Variants in SYNPO2 observed in about 807,000 individuals in gnomAD.
SYNPO2 encodes the protein synaptopodin-2.
In SYNPO2, 56 loss-of-function variants were observed where a neutral mutation model predicts 85.0. The observed-to-expected ratio is 0.66, with a 90% CI of 0.53 to 0.82. The LOEUF is 0.82. Among genes scored for constraint, SYNPO2 ranks in the 40% least tolerant of loss-of-function variants. The pLI, the probability that SYNPO2 is intolerant of heterozygous loss-of-function variation, is 0.00. For missense variants in SYNPO2, 1,575 were observed against 1,534.2 expected (o/e 1.03, Z -0.44); for synonymous variants, 602 against 591.1 (o/e 1.02, Z -0.27).
Position 119,031,007 on chromosome 4 carries a change from T to C in SYNPO2, c.2232T>C (p.Asn744=), listed in dbSNP as rs1365797548. The C allele has an allele frequency of 6.2e-7, 1 of 1,613,978 alleles. No homozygotes were observed. Among genetic ancestry groups the C allele is most frequent in the Admixed American group, 1.7e-5 (1 of 59,994 alleles). The change falls in exon 4 of 5, where the codon AAT becomes AAC. Residue 744 remains asparagine, a synonymous_variant. Transcript: ENST00000307142. ...TCAGCTTGGGGGCAGAGGCTTGTAA[T>C]TTCATGCAAAGCTCCTCTGCCAAAC... is the stretch of plus-strand genomic sequence containing the variant. ...DYLSLGAEAC[N]FMQSSSAKQK...
rs544664971 is a variant in SYNPO2 at position 119,006,166 on chromosome 4, G to C, written c.106-17264G>C. 9 of 153,168 alleles carry C rather than the reference G, an allele frequency of 5.9e-5. No homozygotes were observed. In the South Asian group the frequency reaches 1.9e-3, roughly 32 times the overall value. 9.5% of individuals were successfully genotyped at this position (153,168 alleles called of 1,614,324 possible). A position where few individuals can be genotyped will look rare whatever the true frequency, so the allele number is the denominator to read the frequency against. ...CCTGAACATGAAGGTGTGAAAGTTG[G>C]TGTCCTAACCCTGGCTTTTCTTATA... On this transcript the variant is annotated intron_variant, in intron 1 of 4. Coordinates refer to ENST00000307142, the MANE Select transcript of SYNPO2 (RefSeq NM_133477.3).
At chr4:118,853,111 C>T (rs1013145759) in intron 1 of SYNPO2, among the ~76,000 whole-genome samples, 11 of 152,140 alleles carry the variant, frequency 7.2e-5, no homozygotes, top group Non-Finnish European at 1.3e-4. Flanking sequence ...AGGATCACTT[C>T]GTTAATTTTC....
At chr4:118,973,999 G>C (rs1357660668) in intron 1 of SYNPO2, among the ~76,000 whole-genome samples, 1 of 152,178 alleles carries the variant, frequency 6.6e-6, no homozygotes, top group Admixed American at 6.5e-5. Context: ...CCATTATACA[G>C]CTGAGGACGC....
At chr4:118,928,847 C>T (rs1382280579) in intron 1 of SYNPO2, among the ~76,000 whole-genome samples, 2 of 152,068 alleles carry the variant, frequency 1.3e-5, no homozygotes, top group African/African-American at 4.8e-5. Flanking sequence ...CTTCAGAAGC[C>T]TTGGGTAATA....
At chr4:118,991,307 C>T (rs186353009) in intron 1 of SYNPO2, among the ~76,000 whole-genome samples, 1 of 152,106 alleles carries the variant, frequency 6.6e-6, no homozygotes, top group Non-Finnish European at 1.5e-5. Flanking sequence ...ACCACCGCAC[C>T]TGGCTAATTT....
intron 1 of SYNPO2, among the ~76,000 whole-genome samples, chr4:118,937,265 A>G (rs1734140453): frequency 6.6e-6 from 1 of 151,872 alleles, no homozygotes; most frequent in Non-Finnish European, 1.5e-5. Flanking sequence ...TTTCAGATAC[A>G]CTCATTTCCT....
chr4:119,030,447 A>G lies in SYNPO2; in HGVS notation c.1672A>G (p.Ser558Gly). 6.2e-7 allele frequency: 1 copy of G among 1,614,194 alleles called. No homozygotes were observed. Among genetic ancestry groups the G allele is most frequent in the Non-Finnish European group, 8.5e-7 (1 of 1,180,038 alleles). ...SSVSKSYIEV[S>G]HGLGHVPQQN... ...TGTGAGCAAAAGCTACATCGAGGTGAGTCATGGTCTTGGCCATGTTCCCCA... is the reference window on the plus strand; with the variant it reads ...TGTGAGCAAAAGCTACATCGAGGTGGGTCATGGTCTTGGCCATGTTCCCCA... The change falls in exon 4 of 5, where the codon AGT (serine) becomes GGT (glycine). Residue 558 changes from serine to glycine, a missense_variant. By Grantham distance (56) the Ser-to-Gly change is moderately conservative (BLOSUM62 0). This residue lies in a region of SYNPO2 where 1,508 missense variants were observed against 1,446.8 expected (regional missense o/e 1.04). Coordinates refer to ENST00000307142, the MANE Select transcript of SYNPO2 (RefSeq NM_133477.3).
intron 1 of SYNPO2, among the ~76,000 whole-genome samples, chr4:119,000,679 G>A (rs946053537): frequency 2.6e-5 from 4 of 152,182 alleles, no homozygotes; most frequent in Non-Finnish European, 5.9e-5. Flanking sequence ...TGACCTCATC[G>A]CTATCTGAGT....
chr4:118,892,705 T>G (rs1289860600), intron 1 of SYNPO2, among the ~76,000 whole-genome samples: 1 of 152,214 alleles, frequency 6.6e-6, no homozygotes, highest in Non-Finnish European at 1.5e-5. Context: ...ATCCTTTATA[T>G]GTTTTAATAT....
chr4:118,941,897 CA>C lies in SYNPO2; in HGVS notation c.105+52757del, dbSNP rs1200526875. 2.0e-5 allele frequency among the ~76,000 whole-genome samples: 3 copies of C among 152,160 alleles called. No homozygotes were observed. The East Asian group carries it at 5.8e-4, about 29-fold the overall frequency. Reference sequence around the variant, plus strand: ...TTTCCGTAGGAAAGGCAAGGCGAGTCAGGGGAAACAGTTTAGGGTTAGCCAG... The same window carrying C: ...TTTCCGTAGGAAAGGCAAGGCGAGTCGGGGAAACAGTTTAGGGTTAGCCAG... On this transcript the variant is annotated intron_variant, in intron 1 of 4. Coordinates refer to ENST00000307142, the MANE Select transcript of SYNPO2 (RefSeq NM_133477.3).
chr4:119,037,593 A>T, intron 4 of SYNPO2: 2 of 987,614 alleles, frequency 2.0e-6, no homozygotes, highest in Non-Finnish European at 2.4e-6. Context: ...ATGAGTGGGG[A>T]CAGAAGCTGT....
rs751293375 is a variant in SYNPO2, at chr4:119,057,948, G to A, written c.*14G>A. On this transcript the variant is annotated 3_prime_UTR_variant, in exon 5 of 5. Transcript: ENST00000307142. ...CGCCAAACATGAAAGTTAGAAGAAC[G>A]GATCATGTGCCAACTGTAGTTTTTT... 35 of 1,600,822 alleles carry A rather than the reference G, an allele frequency of 2.2e-5. No individual in the cohort carries two copies. The highest frequency in any genetic ancestry group is 1.2e-4 in the South Asian group (11 of 88,928).
intron 1 of SYNPO2, among the ~76,000 whole-genome samples, chr4:118,921,198 C>T (rs1733520380): frequency 6.6e-6 from 1 of 152,166 alleles, no homozygotes; most frequent in African/African-American, 2.4e-5. Context: ...TGAGCCACCA[C>T]ACCTGGCCCA....
intron 1 of SYNPO2, chr4:119,006,180 GC>G (rs1737024838): frequency 6.5e-6 from 1 of 152,860 alleles, no homozygotes. Context: ...CCTAACCCTG[GC>G]TTTTCTTATA....
chr4:118,899,401 C>G (rs1374514485), intron 1 of SYNPO2, among the ~76,000 whole-genome samples: 1 of 151,292 alleles, frequency 6.6e-6, no homozygotes, highest in Admixed American at 6.6e-5. Context: ...CTGACCAGAA[C>G]TTTTTTTTTA....
chr4:119,026,531 A>G (rs909858749), intron 2 of SYNPO2, 96 bp from the exon 3 acceptor site: 8 of 1,299,052 alleles, frequency 6.2e-6, no homozygotes, highest in African/African-American at 5.9e-5. Flanking sequence ...TATTTTGACT[A>G]TATCACATAT....
chr4:118,853,361 A>T (rs1207598530), intron 1 of SYNPO2, among the ~76,000 whole-genome samples: 5 of 152,122 alleles, frequency 3.3e-5, no homozygotes, highest in African/African-American at 7.2e-5. Flanking sequence ...CTCTTCATAT[A>T]CCATCAAATT....
chr4:118,997,234 C>T (rs1358905710), intron 1 of SYNPO2, among the ~76,000 whole-genome samples: 4 of 58,208 alleles, frequency 6.9e-5, no homozygotes, highest in Non-Finnish European at 1.0e-4. Flanking sequence ...AGCGAGACTC[C>T]GTCTCAAAAA....
At chr4:118,990,361 C>T (rs981149131) in intron 1 of SYNPO2, among the ~76,000 whole-genome samples, 5 of 152,128 alleles carry the variant, frequency 3.3e-5, no homozygotes, top group African/African-American at 1.2e-4. Flanking sequence ...AGACTTCTCC[C>T]AGGAAATACA....
Sources: allele counts gnomAD v4.1 joint callset (sites outside exome capture counted in the v4.1 genomes callset), GRCh38; gene constraint gnomAD v4.1.1; regional missense constraint gnomAD v4.1.1; transcripts MANE v1.5; gene names NCBI Gene and HGNC (gene_info 2026-07-23, HGNC 2026-07-21).